Variants in IGF1R observed in about 807,000 individuals in gnomAD.
IGF1R encodes the protein insulin-like growth factor 1 receptor.
IGF1R carries 44 observed loss-of-function variants against 144.6 expected under a neutral mutation model. That is an observed-to-expected ratio of 0.30 (90% CI 0.24 to 0.39). The LOEUF (loss-of-function observed/expected upper bound fraction) is 0.39, where lower values mean the gene tolerates loss of function less well. Ranked by LOEUF, IGF1R falls within the 10% of genes least tolerant of loss-of-function variation. The pLI, the probability that IGF1R is intolerant of heterozygous loss-of-function variation, is 1.00. For missense variants in IGF1R, 1,355 were observed against 1,833.7 expected (o/e 0.74, Z 4.77); for synonymous variants, 795 against 722.8 (o/e 1.10, Z -1.60).
intron 18 of IGF1R, among the ~76,000 whole-genome samples, chr15:98,941,619 T>G (rs1043192960): frequency 6.6e-6 from 1 of 152,216 alleles, no homozygotes; most frequent in Non-Finnish European, 1.5e-5. Context: ...CACACTTCAT[T>G]TTTATTCTTC....
At position 98,911,417 on chromosome 15, in the gene IGF1R, G is replaced by C. The variant is rs1420547035; in HGVS notation, c.1565G>C (p.Ser522Thr). 1.2e-6 allele frequency: 2 copies of C among 1,614,190 alleles called. No homozygotes were observed. Among genetic ancestry groups the C allele is most frequent in the Non-Finnish European group, 1.7e-6 (2 of 1,180,036 alleles). The change falls in exon 7 of 21, where the codon AGC (serine) becomes ACC (threonine). Residue 522 changes from serine to threonine, a missense_variant. Physicochemically the swap from Ser to Thr is moderately conservative, Grantham distance 58. This residue lies in a region of IGF1R where 880 missense variants were observed against 1,202.7 expected (regional missense o/e 0.73). Coordinates refer to ENST00000650285, the MANE Select transcript of IGF1R (RefSeq NM_000875.5). ...CCCCCTGACTACAGGGATCTCATCA[G>C]CTTCACCGTTTACTACAAGGAAGCG... ...YRPPDYRDLI[S>T]FTVYYKEAPF...
intron 2 of IGF1R, among the ~76,000 whole-genome samples, chr15:98,856,831 C>G (rs2011846360): frequency 6.6e-6 from 1 of 152,210 alleles, no homozygotes; most frequent in Non-Finnish European, 1.5e-5. Context: ...TCACACAGAG[C>G]TGACTCCTGG....
intron 2 of IGF1R, among the ~76,000 whole-genome samples, chr15:98,755,718 CAAAAAAAAAAAAAA>C (rs56121011): frequency 4.6e-4 from 16 of 34,504 alleles, no homozygotes; most frequent in African/African-American, 1.7e-3. Context: ...AACTCCATTG[CAAAAAAAAAAAAAA>C]AAAAAAAAAA....
intron 2 of IGF1R, among the ~76,000 whole-genome samples, chr15:98,823,918 G>T (rs1040119564): frequency 2.6e-5 from 4 of 152,008 alleles, no homozygotes; most frequent in South Asian, 2.1e-4. Context: ...GAAAGAGGGG[G>T]AAAAAAAGAC....
chr15:98,956,074 C>G (rs1424907748), intron 20 of IGF1R, among the ~76,000 whole-genome samples: 2 of 152,234 alleles, frequency 1.3e-5, no homozygotes, highest in Non-Finnish European at 2.9e-5. Context: ...AGCTGGGTCT[C>G]TGCATTCTGG....
intron 2 of IGF1R, among the ~76,000 whole-genome samples, chr15:98,865,267 C>T (rs2012367494): frequency 6.6e-6 from 1 of 152,186 alleles, no homozygotes; most frequent in African/African-American, 2.4e-5. Context: ...CAGAATACAG[C>T]GAGATAGGTA....
At chr15:98,892,427 C>T (rs891856297) in intron 3 of IGF1R, among the ~76,000 whole-genome samples, 8 of 148,060 alleles carry the variant, frequency 5.4e-5, no homozygotes, top group East Asian at 2.0e-4. Flanking sequence ...CTAGCTACTC[C>T]GAGGCAGGAG....
chr15:98,666,874 C>A (rs2052755701), intron 1 of IGF1R, among the ~76,000 whole-genome samples: 1 of 152,112 alleles, frequency 6.6e-6, no homozygotes, highest in Non-Finnish European at 1.5e-5. Context: ...ATACACTTAA[C>A]AAGGGTTAAA....
At chr15:98,772,830 T>C (rs1259795753) in intron 2 of IGF1R, among the ~76,000 whole-genome samples, 1 of 152,032 alleles carries the variant, frequency 6.6e-6, no homozygotes, top group East Asian at 1.9e-4. Flanking sequence ...ATAAAGATGA[T>C]ATTACGATGT....
At chr15:98,748,297 G>T (rs2054919201) in intron 2 of IGF1R, among the ~76,000 whole-genome samples, 1 of 152,130 alleles carries the variant, frequency 6.6e-6, no homozygotes, top group Non-Finnish European at 1.5e-5. Flanking sequence ...CTCCTGAGTA[G>T]CTGGAACTAC....
rs940834150 is a variant in IGF1R, at chr15:98,958,646, A to G, written c.*1204A>G. ...AACATTTGCATACACATCGTCTTTA[A>G]TGTCACTTTTATAACTTTTTTACGG... On this transcript the variant is annotated 3_prime_UTR_variant, in exon 21 of 21. Coordinates refer to ENST00000650285, the MANE Select transcript of IGF1R (RefSeq NM_000875.5). 8.6e-6 allele frequency: 2 copies of G among 231,878 alleles called. No individual in the cohort carries two copies. The highest frequency in any genetic ancestry group is 2.2e-5 in the African/African-American group (1 of 45,168). 14.4% of individuals were successfully genotyped at this position (231,878 alleles called of 1,614,324 possible).
chr15:98,752,695 A>AAT (rs1414148799), intron 2 of IGF1R, among the ~76,000 whole-genome samples: 1 of 151,570 alleles, frequency 6.6e-6, no homozygotes, highest in Non-Finnish European at 1.5e-5. Flanking sequence ...AAGAAAAAAA[A>AAT]AAAGAAAGTA....
At chr15:98,945,247 T>C (rs916579699) in intron 19 of IGF1R, among the ~76,000 whole-genome samples, 1 of 152,238 alleles carries the variant, frequency 6.6e-6, no homozygotes, top group Non-Finnish European at 1.5e-5. Context: ...TAGTCACAAA[T>C]AGCCAAGGTT....
rs937095858 is a variant in IGF1R, at chr15:98,958,131, C to G, written c.*689C>G. On this transcript the variant is annotated 3_prime_UTR_variant, in exon 21 of 21. Coordinates refer to ENST00000650285, the MANE Select transcript of IGF1R (RefSeq NM_000875.5). ...CTGGTTGCTCCATTTGAGAGACACG[C>G]TGGCGACACACTCCGTCCATCCGAC... 3.4e-5 allele frequency: 8 copies of G among 233,696 alleles called. No homozygotes were observed. The highest frequency in any genetic ancestry group is 1.8e-4 in the African/African-American group (8 of 45,316). The allele number at this position is 233,696 out of a possible 1,614,324, so 14.5% of individuals were successfully genotyped here. A position where few individuals can be genotyped will look rare whatever the true frequency, so the allele number is the denominator to read the frequency against.
chr15:98,739,850 C>T (rs79132051), intron 2 of IGF1R, among the ~76,000 whole-genome samples: 2,085 of 152,254 alleles, frequency 0.014, 29 homozygotes, highest in African/African-American at 0.031. Context: ...CCTTGGCTTC[C>T]GAAGGGGCTG....
intron 2 of IGF1R, among the ~76,000 whole-genome samples, chr15:98,772,515 T>TATTATTATTG (rs1567121473): frequency 6.8e-6 from 1 of 146,518 alleles, no homozygotes; most frequent in Non-Finnish European, 1.5e-5. Flanking sequence ...TTATTATTAT[T>TATTATTATTG]TTAAGAATTA....
chr15:98,928,187 T>TG, intron 13 of IGF1R, among the ~76,000 whole-genome samples: 1 of 152,194 alleles, frequency 6.6e-6, no homozygotes, highest in East Asian at 1.9e-4. Context: ...TCACTCGCCT[T>TG]GGGGGGATGG....
intron 2 of IGF1R, among the ~76,000 whole-genome samples, chr15:98,739,730 T>G (rs2054694675): frequency 6.6e-6 from 1 of 152,208 alleles, no homozygotes; most frequent in Admixed American, 6.5e-5. Context: ...TAGCTGGAAC[T>G]GCAGGTGCAC....
intron 5 of IGF1R, among the ~76,000 whole-genome samples, chr15:98,902,481 T>C (rs898622447): frequency 1.3e-5 from 2 of 148,852 alleles, no homozygotes; most frequent in Non-Finnish European, 1.5e-5. Context: ...GTAGTGGCGC[T>C]GTCTCGGCTC....
Sources: allele counts gnomAD v4.1 joint callset (sites outside exome capture counted in the v4.1 genomes callset), GRCh38; gene constraint gnomAD v4.1.1; regional missense constraint gnomAD v4.1.1; transcripts MANE v1.5; gene names NCBI Gene and HGNC (gene_info 2026-07-23, HGNC 2026-07-21).